ERICH1: variants seen among roughly 807,000 people sequenced by gnomAD.
ERICH1 encodes the protein glutamate rich 1.
ERICH1 carries 56 observed loss-of-function variants against 39.6 expected under a neutral mutation model. The ratio of observed to expected loss-of-function variants is 1.41; its 90% CI spans 1.14 to 1.77. The LOEUF (loss-of-function observed/expected upper bound fraction) is 1.77, where lower values mean the gene tolerates loss of function less well. Ranked by LOEUF, ERICH1 falls within the 40% of genes most tolerant of loss-of-function variation. The pLI is 0.00. For synonymous variants in ERICH1, 313 were observed against 223.6 expected, an observed-to-expected ratio of 1.40 and a Z score of -3.57; for missense variants, 826 against 575.4, an observed-to-expected ratio of 1.44 and a Z score of -4.45.
In ERICH1 at chr8:645,735, C is replaced by A. The variant is rs147283980; in HGVS notation, c.976+22863G>T. ...CTCAAACTCCTGGAAGCAGTCCCCC[C>A]ACCTCAGCCTCCCAAAGTGCTGGGA... On this transcript the variant is annotated intron_variant, in intron 3 of 3. Coordinates refer to the ERICH1 transcript ENST00000522706. Among the ~76,000 whole-genome samples, 31 of 69,240 alleles carry A rather than the reference C, an allele frequency of 4.5e-4. 10 individuals carry two copies. The East Asian group carries it at 8.7e-3, about 19-fold the overall frequency. 45.4% of individuals were successfully genotyped at this position (69,240 alleles called of 152,430 possible).
At chr8:665,718 G>C (rs1037217190) in intron 5 of ERICH1, among the ~76,000 whole-genome samples, 1 of 152,232 alleles carries the variant, frequency 6.6e-6, no homozygotes, top group Non-Finnish European at 1.5e-5. Flanking sequence ...ACAGAAGCGG[G>C]AGAGCTTGGC....
At chr8:618,693 G>A (rs1020977310) in intron 3 of ERICH1, among the ~76,000 whole-genome samples, 4 of 152,266 alleles carry the variant, frequency 2.6e-5, no homozygotes, top group Middle Eastern at 3.4e-3. Context: ...CACACAGCAC[G>A]CTTGGAACAG....
chr8:703,405 G>A (rs1217239560), intron 2 of ERICH1, among the ~76,000 whole-genome samples: 1 of 152,134 alleles, frequency 6.6e-6, no homozygotes, highest in African/African-American at 2.4e-5. Context: ...AATGGCAGCC[G>A]AGACACAGCA....
At chr8:628,235 G>C (rs1797712551) in intron 3 of ERICH1, among the ~76,000 whole-genome samples, 1 of 152,204 alleles carries the variant, frequency 6.6e-6, no homozygotes, top group South Asian at 2.1e-4. Context: ...CAGGGCCCCA[G>C]GCAGGCAGAG....
At chr8:692,044 G>C (rs1435561603) in intron 3 of ERICH1, among the ~76,000 whole-genome samples, 1 of 152,178 alleles carries the variant, frequency 6.6e-6, no homozygotes, top group Non-Finnish European at 1.5e-5. Flanking sequence ...TTTTCCAAAA[G>C]ACATTCGAAA....
rs1799547244 is a variant in ERICH1 at position 647,661 on chromosome 8, G to T, written c.976+20937C>A. Reference sequence around the variant, plus strand: ...AGGTGACCCGGGAAGCTGTCTGGCAGCCCTGATGGAGTTGAGCCAGCCCAC... The same window carrying T: ...AGGTGACCCGGGAAGCTGTCTGGCATCCCTGATGGAGTTGAGCCAGCCCAC... On this transcript the variant is annotated intron_variant, in intron 3 of 3. Transcript: ENST00000522706. 1.1e-4 allele frequency among the ~76,000 whole-genome samples: 7 copies of T among 66,554 alleles called. 3 individuals carry two copies. In the South Asian group the frequency reaches 4.0e-3, roughly 38 times the overall value. 43.7% of individuals were successfully genotyped at this position (66,554 alleles called of 152,430 possible). A position where few individuals can be genotyped will look rare whatever the true frequency, so the allele number is the denominator to read the frequency against.
At chr8:621,961 T>C (rs1357607895) in intron 3 of ERICH1, among the ~76,000 whole-genome samples, 2 of 152,168 alleles carry the variant, frequency 1.3e-5, no homozygotes, top group African/African-American at 2.4e-5. Context: ...ATGCCTGTAA[T>C]CCCAGCACGT....
chr8:715,604 C>T (rs1436411577), intron 2 of ERICH1, among the ~76,000 whole-genome samples: 1 of 152,250 alleles, frequency 6.6e-6, no homozygotes, highest in Middle Eastern at 3.2e-3. Context: ...AGTTTCAGTC[C>T]AATCGCCATC....
chr8:662,966 T>C (rs1044913200), downstream of ERICH1, among the ~76,000 whole-genome samples: 1 of 152,202 alleles, frequency 6.6e-6, no homozygotes, highest in African/African-American at 2.4e-5. Context: ...GCCTCATGTG[T>C]GGCCTCCTGG....
chr8:651,232 G>A (rs535353854), intron 3 of ERICH1, among the ~76,000 whole-genome samples: 5 of 152,372 alleles, frequency 3.3e-5, no homozygotes, highest in East Asian at 3.9e-4. Flanking sequence ...CCAGGGTTGG[G>A]AAGAGAAGTG....
chr8:711,221 G>GT (rs1473668375), intron 2 of ERICH1, among the ~76,000 whole-genome samples: 2 of 152,128 alleles, frequency 1.3e-5, no homozygotes, highest in Non-Finnish European at 2.9e-5. Context: ...AACATTTTGA[G>GT]TAACAGTCCT....
intron 1 of ERICH1, among the ~76,000 whole-genome samples, chr8:726,283 C>G (rs984138228): frequency 3.3e-5 from 5 of 152,184 alleles, no homozygotes; most frequent in African/African-American, 1.2e-4. Flanking sequence ...CACAAGGACA[C>G]ACACAGACAC....
chr8:692,665 C>G, intron 2 of ERICH1, 53 bp from the exon 3 acceptor site: 1 of 1,508,594 alleles, frequency 6.6e-7, no homozygotes, highest in Non-Finnish European at 8.9e-7. Context: ...AAAATGCAGT[C>G]ATTTATTTGC....
chr8:637,266 T>C (rs1278689193), intron 3 of ERICH1, among the ~76,000 whole-genome samples: 1 of 152,228 alleles, frequency 6.6e-6, no homozygotes, highest in Non-Finnish European at 1.5e-5. Flanking sequence ...CCCGGCATCC[T>C]GCATTCCTAG....
intron 3 of ERICH1, among the ~76,000 whole-genome samples, chr8:674,637 T>C (rs1175423458): frequency 6.6e-6 from 1 of 152,240 alleles, no homozygotes; most frequent in Non-Finnish European, 1.5e-5. Context: ...ATTTCATTTC[T>C]ATGGGCCTTT....
intron 2 of ERICH1, among the ~76,000 whole-genome samples, chr8:693,492 C>T (rs182193225): frequency 0.01 from 1,581 of 152,336 alleles, 11 homozygotes; most frequent in Non-Finnish European, 0.017. Flanking sequence ...GACCAGAGGT[C>T]GTCGCCACTG....
At chr8:730,691 C>G (rs1161263106) in intron 1 of ERICH1, among the ~76,000 whole-genome samples, 1 of 152,244 alleles carries the variant, frequency 6.6e-6, no homozygotes, top group African/African-American at 2.4e-5. Flanking sequence ...CCATGACCTC[C>G]GTCTCTCAGA....
chr8:725,165 G>A, intron 1 of ERICH1: 1 of 192,016 alleles, frequency 5.2e-6, no homozygotes, highest in Non-Finnish European at 1.1e-5. Context: ...CTTCCTGTCT[G>A]CTGTCCCCTC....
chr8:634,174 A>AC (rs1798238198), intron 3 of ERICH1, among the ~76,000 whole-genome samples: 2 of 136,444 alleles, frequency 1.5e-5, no homozygotes, highest in African/African-American at 2.9e-5. Flanking sequence ...AACTCAAAAA[A>AC]AAAAAAAAAA....
Sources: gnomAD v4.1 joint callset for allele counts (sites outside exome capture counted in the v4.1 genomes callset) on GRCh38, gnomAD v4.1.1 for gene constraint, MANE v1.5 for transcripts, NCBI Gene and HGNC (gene_info 2026-07-23, HGNC 2026-07-21) for gene names.